PVT1: variants seen among roughly 807,000 people sequenced by gnomAD.
PVT1 encodes the protein Pvt1 oncogene.
intron 3 of PVT1, among the ~76,000 whole-genome samples, chr8:127,908,222 C>G (rs1815846348): frequency 6.6e-6 from 1 of 152,034 alleles, no homozygotes; most frequent in African/African-American, 2.4e-5. Context: ...CTGGGCATCC[C>G]AGGCTTTGTA....
At chr8:127,923,208 G>T (rs1041598346) in intron 3 of PVT1, among the ~76,000 whole-genome samples, 1 of 152,220 alleles carries the variant, frequency 6.6e-6, no homozygotes, top group Non-Finnish European at 1.5e-5. Context: ...CGGAGTCACC[G>T]TTGAGTTCAT....
intron 2 of PVT1, chr8:127,890,510 C>G (rs572943675): frequency 6.6e-6 from 1 of 152,366 alleles, no homozygotes; most frequent in Non-Finnish European, 1.5e-5. Flanking sequence ...GGGCCAAACA[C>G]AAGGAGGAAA....
chr8:128,092,544 G>A (rs973598774), intron 5 of PVT1, among the ~76,000 whole-genome samples: 3 of 152,196 alleles, frequency 2.0e-5, no homozygotes, highest in Non-Finnish European at 4.4e-5. Flanking sequence ...GCCCTGAAGC[G>A]TTCCGGAACC....
chr8:128,000,707 C>T (rs1361691193), intron 4 of PVT1, among the ~76,000 whole-genome samples: 2 of 152,210 alleles, frequency 1.3e-5, no homozygotes, highest in Non-Finnish European at 2.9e-5. Flanking sequence ...GACTTTGTCC[C>T]ATAACAATAG....
intron 4 of PVT1, among the ~76,000 whole-genome samples, chr8:128,006,103 A>AAATAAT (rs201867936): frequency 9.9e-4 from 118 of 119,342 alleles, no homozygotes; most frequent in Non-Finnish European, 1.5e-3. Context: ...ACCTTGTCTC[A>AAATAAT]AATAATAATA....
intron 3 of PVT1, chr8:127,948,860 C>T (rs12707926): frequency 0.31 from 47,660 of 152,118 alleles, 7,759 homozygotes; most frequent in East Asian, 0.51. Flanking sequence ...TGTAGCAGCC[C>T]TGGCGGATCA....
At chr8:128,029,501 CT>C (rs1404905770) in intron 4 of PVT1, among the ~76,000 whole-genome samples, 1 of 151,890 alleles carries the variant, frequency 6.6e-6, no homozygotes, top group African/African-American at 2.4e-5. Context: ...TGAAAGAAAA[CT>C]TAAAAAATAC....
intron 2 of PVT1, among the ~76,000 whole-genome samples, chr8:127,851,000 CTG>C (rs1815101364): frequency 1.5e-5 from 2 of 136,204 alleles, no homozygotes; most frequent in African/African-American, 7.1e-5. Flanking sequence ...GAGGGAGACT[CTG>C]TCTCAAAAAA....
rs1563657394 is a variant in PVT1 at position 127,984,863 on chromosome 8, T to TTCTTTCTTTCTTTCTTTC, written n.783-4297_783-4280dup. ...TTTCTTTCTTTCTTTCTTTCTTTCT[T>TTCTTTCTTTCTTTCTTTC]TCTTTCTTTCTTTCTTTCTTTCTTT... On this transcript the variant is annotated intron_variant and non_coding_transcript_variant, in intron 3 of 10. Coordinates refer to ENST00000651587, the Ensembl canonical transcript of PVT1. Among the ~76,000 whole-genome samples, 17 of 66,450 alleles carry TTCTTTCTTTCTTTCTTTC rather than the reference T, an allele frequency of 2.6e-4. 1 individual carries two copies. In the East Asian group the frequency reaches 3.9e-3, roughly 15 times the overall value. 43.6% of individuals were successfully genotyped at this position (66,450 alleles called of 152,430 possible).
intron 4 of PVT1, among the ~76,000 whole-genome samples, chr8:128,069,682 G>GCTC (rs1813958182): frequency 6.6e-6 from 1 of 152,252 alleles, no homozygotes; most frequent in East Asian, 1.9e-4. Context: ...CTCCTTGGAT[G>GCTC]CTCACATAAC....
chr8:128,043,104 G>C (rs2130091883), intron 4 of PVT1, among the ~76,000 whole-genome samples: 1 of 152,280 alleles, frequency 6.6e-6, no homozygotes, highest in Non-Finnish European at 1.5e-5. Context: ...TGGGTCAATG[G>C]GAGGGTGCCT....
At chr8:127,914,260 CAAAAAAAAAAAAAAAAAAAAAAAAAAAA>C (rs60359946) in intron 3 of PVT1, among the ~76,000 whole-genome samples, 3 of 47,842 alleles carry the variant, frequency 6.3e-5, no homozygotes, top group East Asian at 6.3e-4. Flanking sequence ...CCACCAACAG[CAAAAAAAAAAAAAAAAAAAAAAAAAAAA>C]AAAAAAAAAA....
At position 127,984,927 on chromosome 8, in the gene PVT1, CTCTT is replaced by C. The variant is rs1240791600; in HGVS notation, n.783-4220_783-4217del. On this transcript the variant is annotated intron_variant and non_coding_transcript_variant, in intron 3 of 10. Coordinates refer to ENST00000651587, the Ensembl canonical transcript of PVT1. ...TTTCTTTCTTTCTTTCTTTCTCTTTCTCTTTCTTTCTTTCTTTCCCCTTCCTTCC... is the reference window on the plus strand; with the variant it reads ...TTTCTTTCTTTCTTTCTTTCTCTTTCTCTTTCTTTCTTTCCCCTTCCTTCC... 1.7e-3 allele frequency among the ~76,000 whole-genome samples: 203 copies of C among 120,722 alleles called. 6 individuals are homozygous for C. The highest frequency in any genetic ancestry group is 2.0e-3 in the Non-Finnish European group (118 of 59,106). The allele number at this position is 120,722 out of a possible 152,430, so 79.2% of individuals were successfully genotyped here. A position where few individuals can be genotyped will look rare whatever the true frequency, so the allele number is the denominator to read the frequency against.
intron 3 of PVT1, chr8:127,989,137 A>G (rs527922076): frequency 5.3e-5 from 8 of 152,342 alleles, no homozygotes; most frequent in African/African-American, 1.9e-4. Context: ...TGATATTAAT[A>G]TGTATCCTTT....
At chr8:128,002,625 C>T (rs1266827171) in intron 4 of PVT1, among the ~76,000 whole-genome samples, 1 of 152,192 alleles carries the variant, frequency 6.6e-6, no homozygotes, top group African/African-American at 2.4e-5. Context: ...ATTGCATCAT[C>T]CAAGTCTCTG....
chr8:127,850,898 T>G (rs1388544576), intron 2 of PVT1, among the ~76,000 whole-genome samples: 1 of 151,294 alleles, frequency 6.6e-6, no homozygotes, highest in Admixed American at 6.6e-5. Context: ...TTCCAGCTAC[T>G]GGGGAGGCTG....
chr8:128,078,129 C>G (rs1015736225), intron 5 of PVT1, among the ~76,000 whole-genome samples: 1 of 152,082 alleles, frequency 6.6e-6, no homozygotes, highest in East Asian at 1.9e-4. Context: ...TGCCTGTCCA[C>G]GATTAGAAAT....
At chr8:128,088,296 A>G (rs1048109472) in intron 5 of PVT1, among the ~76,000 whole-genome samples, 1 of 152,200 alleles carries the variant, frequency 6.6e-6, no homozygotes, top group African/African-American at 2.4e-5. Context: ...CGCAGGGGCC[A>G]AGGTTAATTC....
intron 5 of PVT1, among the ~76,000 whole-genome samples, chr8:128,073,134 A>G (rs1013810941): frequency 6.6e-6 from 1 of 151,956 alleles, no homozygotes; most frequent in Non-Finnish European, 1.5e-5. Flanking sequence ...CACCCGGCCC[A>G]CCTGAGCATT....
Sources: allele counts gnomAD v4.1 joint callset (sites outside exome capture counted in the v4.1 genomes callset), GRCh38; gene constraint gnomAD v4.1.1; transcripts MANE v1.5; gene names NCBI Gene and HGNC (gene_info 2026-07-23, HGNC 2026-07-21).